Variants in LIPJ observed in about 807,000 individuals in gnomAD.
The protein encoded by LIPJ is lipase member J.
LIPJ carries 33 observed loss-of-function variants against 39.8 expected under a neutral mutation model. That is an observed-to-expected ratio of 0.83 (90% confidence interval 0.63 to 1.11). The LOEUF (loss-of-function observed/expected upper bound fraction) is 1.11. Among genes scored for constraint, LIPJ ranks in the 50% least tolerant of loss-of-function variants. The probability of loss-of-function intolerance (pLI) is 0.00; values close to 1 mark genes in which losing one functional copy is unlikely to be tolerated. For synonymous variants in LIPJ, 128 were observed against 139.2 expected, an observed-to-expected ratio of 0.92 and a Z score of 0.57; for missense variants, 422 against 427.9, an observed-to-expected ratio of 0.99 and a Z score of 0.12.
chr10:88,609,159 G>T (rs939767730), downstream of LIPJ, among the ~76,000 whole-genome samples: 1 of 152,096 alleles, frequency 6.6e-6, no homozygotes, highest in African/African-American at 2.4e-5. Flanking sequence ...CCAAGAACCT[G>T]GACCCCCTCC....
At chr10:88,586,683 A>G (rs1199226399), upstream of LIPJ, 1 of 152,144 alleles carries the variant, frequency 6.6e-6, no homozygotes, top group African/African-American at 2.4e-5. Context: ...TCCTACTAGA[A>G]TTTAAGCACC....
At position 88,604,902 on chromosome 10, in the gene LIPJ, G is replaced by A. The variant is rs903242389; in HGVS notation, c.796-731G>A. Among the ~76,000 whole-genome samples, 3 of 152,156 alleles carry A rather than the reference G, an allele frequency of 2.0e-5. No individual in the cohort carries two copies. In the South Asian group the frequency reaches 6.2e-4, roughly 32 times the overall value. ...AAATGAAGTGAGTATAGACAGAAGA[G>A]CAAGATCCTTTCGAGCAAGGATTGG... is the stretch of plus-strand genomic sequence containing the variant. On this transcript the variant is annotated intron_variant, in intron 9 of 10. Coordinates refer to ENST00000371939, the Ensembl canonical transcript of LIPJ.
At chr10:88,591,437 T>C (rs1440726528) in exon 4 of LIPJ, 3 of 1,598,872 alleles carry the variant, frequency 1.9e-6, no homozygotes, top group South Asian at 1.1e-5. Context: ...TAACCGAAGA[T>C]GGTTATATCC....
intron 8 of LIPJ, among the ~76,000 whole-genome samples, chr10:88,599,780 C>T (rs1851408411): frequency 6.6e-6 from 1 of 151,242 alleles, no homozygotes; most frequent in Non-Finnish European, 1.5e-5. Context: ...TATTGTTCCT[C>T]AAAGATATTT....
chr10:88,604,974 T>C (rs1444987490), intron 9 of LIPJ, among the ~76,000 whole-genome samples: 1 of 152,132 alleles, frequency 6.6e-6, no homozygotes, highest in African/African-American at 2.4e-5. Context: ...AGAAACTAAG[T>C]TGGCTAAACA....
At chr10:88,598,622 A>G (rs1851341378) in intron 8 of LIPJ, among the ~76,000 whole-genome samples, 1 of 151,998 alleles carries the variant, frequency 6.6e-6, no homozygotes, top group South Asian at 2.1e-4. Flanking sequence ...GGTGAAGTAG[A>G]GACTCTGGTA....
chr10:88,600,951 A>AT (rs1354147554), intron 8 of LIPJ, among the ~76,000 whole-genome samples: 9 of 151,684 alleles, frequency 5.9e-5, no homozygotes, highest in Non-Finnish European at 1.2e-4. Context: ...CTTATTTTTT[A>AT]TTTTTTATTT....
At chr10:88,616,805 C>A in the LIPJ span, among the ~76,000 whole-genome samples, 1 of 152,204 alleles carries the variant, frequency 6.6e-6, no homozygotes, top group African/African-American at 2.4e-5. Context: ...CCAGAAGCCA[C>A]AGCCTGCAGC....
At chr10:88,603,465 T>C (rs1851562316) in intron 9 of LIPJ, among the ~76,000 whole-genome samples, 1 of 152,186 alleles carries the variant, frequency 6.6e-6, no homozygotes, top group Non-Finnish European at 1.5e-5. Context: ...ATTAATGATA[T>C]TGATAAAAAA....
At chr10:88,583,097 C>T, upstream of LIPJ, 1 of 1,614,056 alleles carries the variant, frequency 6.2e-7, no homozygotes, top group Non-Finnish European at 8.5e-7. Flanking sequence ...TTGTCCCACA[C>T]AGCAAGGTAC....
chr10:88,612,093 A>G, the LIPJ span, among the ~76,000 whole-genome samples: 388 of 152,342 alleles, frequency 2.5e-3, 4 homozygotes, highest in Non-Finnish European at 8.4e-4. Flanking sequence ...ACAAGCTAGA[A>G]AGGATTGGAG....
downstream of LIPJ, among the ~76,000 whole-genome samples, chr10:88,610,078 CT>C (rs1442509534): frequency 1.3e-5 from 2 of 152,104 alleles, no homozygotes; most frequent in African/African-American, 2.4e-5. Flanking sequence ...AATCCTCAGC[CT>C]TTGGGTTGTA....
At chr10:88,588,888 T>C (rs1471929902) in intron 2 of LIPJ, among the ~76,000 whole-genome samples, 1 of 151,856 alleles carries the variant, frequency 6.6e-6, no homozygotes, top group Non-Finnish European at 1.5e-5. Context: ...ATAAGGTTAA[T>C]TTCATTCAGT....
chr10:88,609,468 TACTC>T (rs1851724548), downstream of LIPJ, among the ~76,000 whole-genome samples: 1 of 152,246 alleles, frequency 6.6e-6, no homozygotes, highest in Non-Finnish European at 1.5e-5. Flanking sequence ...TCAGAAGTAT[TACTC>T]ATGTTGATAT....
At chr10:88,606,439 T>C (rs755527429) in intron 10 of LIPJ, among the ~76,000 whole-genome samples, 13 of 152,180 alleles carry the variant, frequency 8.5e-5, no homozygotes, top group Admixed American at 2.0e-4. Flanking sequence ...GTTCGAATAT[T>C]TTGAATTAGA....
exon 8 of LIPJ, chr10:88,596,863 T>C: frequency 1.3e-6 from 2 of 1,596,978 alleles, no homozygotes; most frequent in African/African-American, 1.3e-5. Context: ...CTGTGTCCAC[T>C]ACAGATTTTT....
At chr10:88,606,096 T>C (rs1156336647) in intron 10 of LIPJ, among the ~76,000 whole-genome samples, 2 of 152,100 alleles carry the variant, frequency 1.3e-5, no homozygotes, top group Non-Finnish European at 2.9e-5. Context: ...ATATAATAAT[T>C]AGGAAAAATT....
the LIPJ span, among the ~76,000 whole-genome samples, chr10:88,613,792 A>G: frequency 7.8e-4 from 40 of 51,490 alleles, no homozygotes; most frequent in African/African-American, 1.4e-3. Flanking sequence ...ATATATATAT[A>G]TATATATATG....
the LIPJ span, among the ~76,000 whole-genome samples, chr10:88,617,184 G>T: frequency 6.6e-6 from 1 of 152,136 alleles, no homozygotes; most frequent in Non-Finnish European, 1.5e-5. Context: ...TCAAAGCCCG[G>T]CTGAGCCATG....
Sources: allele counts gnomAD v4.1 joint callset (sites outside exome capture counted in the v4.1 genomes callset), GRCh38; gene constraint gnomAD v4.1.1; transcripts MANE v1.5; gene names NCBI Gene and HGNC (gene_info 2026-07-23, HGNC 2026-07-21).